ARHGEF38: variants seen among roughly 807,000 people sequenced by gnomAD.
ARHGEF38 encodes the protein Rho guanine nucleotide exchange factor (GEF) 38.
Under a neutral mutation model 79.9 loss-of-function variants are expected in ARHGEF38, and 79 were observed. That is an observed-to-expected ratio of 0.99 (90% CI 0.82 to 1.19). The LOEUF (loss-of-function observed/expected upper bound fraction) is 1.19, where lower values mean the gene tolerates loss of function less well. ARHGEF38 is among the 50% of genes most tolerant of loss of function. The pLI, the probability that ARHGEF38 is intolerant of heterozygous loss-of-function variation, is 0.00. For synonymous variants in ARHGEF38, 366 were observed against 328.3 expected (o/e 1.11, Z -1.24); for missense variants, 962 against 907.2 (o/e 1.06, Z -0.78).
intron 1 of ARHGEF38, among the ~76,000 whole-genome samples, chr4:105,585,169 AT>A (rs67691240): frequency 0.61 from 93,431 of 151,962 alleles, 31,396 homozygotes; most frequent in East Asian, 0.92. Context: ...AAGTAACCCT[AT>A]TTTTCCCATT....
chr4:105,600,695 C>G (rs1407876931), intron 2 of ARHGEF38, among the ~76,000 whole-genome samples: 3 of 152,124 alleles, frequency 2.0e-5, no homozygotes, highest in Non-Finnish European at 4.4e-5. Flanking sequence ...ACTTAATTGT[C>G]TACAAGCCAT....
intron 5 of ARHGEF38, among the ~76,000 whole-genome samples, chr4:105,644,174 C>G (rs1242487799): frequency 6.6e-6 from 1 of 151,986 alleles, no homozygotes; most frequent in Non-Finnish European, 1.5e-5. Flanking sequence ...GGCCCCCGAC[C>G]CTTTCTAATG....
chr4:105,681,340 A>T (rs911291773), downstream of ARHGEF38, among the ~76,000 whole-genome samples: 2 of 152,084 alleles, frequency 1.3e-5, no homozygotes, highest in African/African-American at 4.8e-5. Context: ...TACAGAGATC[A>T]CCTATCAATA....
chr4:105,627,781 AAAG>A (rs1729009084), intron 3 of ARHGEF38, among the ~76,000 whole-genome samples: 1 of 152,154 alleles, frequency 6.6e-6, no homozygotes, highest in South Asian at 2.1e-4. Flanking sequence ...CTTCACCACT[AAAG>A]AAATGCAGCC....
intron 3 of ARHGEF38, among the ~76,000 whole-genome samples, chr4:105,623,774 G>T (rs1215894186): frequency 6.6e-6 from 1 of 152,106 alleles, no homozygotes; most frequent in Non-Finnish European, 1.5e-5. Flanking sequence ...TAGTAACTCT[G>T]GACACTCTCA....
intron 3 of ARHGEF38, among the ~76,000 whole-genome samples, chr4:105,630,249 C>CT (rs5860803): frequency 0.17 from 24,330 of 139,876 alleles, 3,796 homozygotes; most frequent in African/African-American, 0.42. Flanking sequence ...AACTGCAACT[C>CT]TTTTTTTTTT....
intron 2 of ARHGEF38, among the ~76,000 whole-genome samples, chr4:105,600,516 G>A (rs532803836): frequency 2.6e-5 from 4 of 152,238 alleles, no homozygotes; most frequent in Middle Eastern, 3.4e-3. Context: ...TGAGGGCTCC[G>A]CCTGTGGTCC....
intron 5 of ARHGEF38, among the ~76,000 whole-genome samples, chr4:105,641,497 G>A (rs1729614438): frequency 6.6e-6 from 1 of 151,932 alleles, no homozygotes; most frequent in Non-Finnish European, 1.5e-5. Context: ...ACAATATACA[G>A]TTTCCTTTAA....
intron 3 of ARHGEF38, 63 bp downstream of exon 3, chr4:105,613,570 T>G: frequency 6.3e-7 from 1 of 1,575,290 alleles, no homozygotes; most frequent in Non-Finnish European, 8.7e-7. Context: ...ATAACCTCCC[T>G]TTGCTTTGGT....
chr4:105,611,143 A>G (rs948034582), intron 2 of ARHGEF38, among the ~76,000 whole-genome samples: 1 of 152,108 alleles, frequency 6.6e-6, no homozygotes, highest in Non-Finnish European at 1.5e-5. Flanking sequence ...TGAAATAATA[A>G]ACATGAAACA....
At chr4:105,571,223 A>T (rs997121988) in intron 1 of ARHGEF38, among the ~76,000 whole-genome samples, 4 of 152,204 alleles carry the variant, frequency 2.6e-5, no homozygotes, top group African/African-American at 9.7e-5. Flanking sequence ...AAAAAAGAAT[A>T]TATCCATCTA....
intron 1 of ARHGEF38, among the ~76,000 whole-genome samples, chr4:105,562,655 T>C (rs546432166): frequency 9.9e-5 from 15 of 152,248 alleles, no homozygotes; most frequent in African/African-American, 3.4e-4. Context: ...TATGACTAGG[T>C]CCTAAGAATG....
intron 13 of ARHGEF38, among the ~76,000 whole-genome samples, chr4:105,670,351 C>A (rs1435335966): frequency 6.6e-6 from 1 of 152,052 alleles, no homozygotes. Flanking sequence ...GAGGTGGTAT[C>A]TCTCTGGGGT....
At chr4:105,564,174 A>G (rs542142223) in intron 1 of ARHGEF38, among the ~76,000 whole-genome samples, 5 of 152,190 alleles carry the variant, frequency 3.3e-5, no homozygotes, top group Non-Finnish European at 5.9e-5. Flanking sequence ...CAGACAATCT[A>G]TTGTGCAAAG....
chr4:105,578,337 C>T (rs1726604160), intron 1 of ARHGEF38, among the ~76,000 whole-genome samples: 1 of 152,088 alleles, frequency 6.6e-6, no homozygotes, highest in Non-Finnish European at 1.5e-5. Context: ...TGTTTTGTGG[C>T]CTATTGTATG....
intron 4 of ARHGEF38, chr4:105,631,556 C>G (rs1040988148): frequency 2.0e-6 from 2 of 985,296 alleles, no homozygotes; most frequent in African/African-American, 3.5e-5. Context: ...CCTTTCTCAT[C>G]CCTAAAACAT....
chr4:105,640,357 T>A (rs1289377454), intron 5 of ARHGEF38, among the ~76,000 whole-genome samples: 2 of 152,178 alleles, frequency 1.3e-5, no homozygotes, highest in Non-Finnish European at 2.9e-5. Flanking sequence ...TTCATCTACT[T>A]TCTCTGCTGC....
At chr4:105,638,778 T>A (rs1030069824) in intron 5 of ARHGEF38, among the ~76,000 whole-genome samples, 3 of 152,168 alleles carry the variant, frequency 2.0e-5, no homozygotes, top group African/African-American at 7.2e-5. Context: ...TGTCAGTAAA[T>A]ATAAATCCAC....
intron 1 of ARHGEF38, among the ~76,000 whole-genome samples, chr4:105,580,483 A>G (rs896822241): frequency 2.6e-4 from 40 of 152,220 alleles, no homozygotes; most frequent in African/African-American, 8.9e-4. Context: ...CCCAAAAGTC[A>G]TTCATGAACA....
Sources: gnomAD v4.1 joint callset for allele counts (sites outside exome capture counted in the v4.1 genomes callset) on GRCh38, gnomAD v4.1.1 for gene constraint, MANE v1.5 for transcripts, NCBI Gene and HGNC (gene_info 2026-07-23, HGNC 2026-07-21) for gene names.